Variants in FABP4 observed in about 807,000 individuals in gnomAD.
The protein encoded by FABP4 is fatty acid-binding protein, adipocyte.
A neutral mutation model predicts 14.6 loss-of-function variants in FABP4; 17 were observed. The ratio of observed to expected loss-of-function variants is 1.16; its 90% CI spans 0.80 to 1.74. The LOEUF (loss-of-function observed/expected upper bound fraction) is 1.74, where lower values mean the gene tolerates loss of function less well. Ranked by LOEUF, FABP4 falls within the 40% of genes most tolerant of loss-of-function variation. The probability of loss-of-function intolerance (pLI) is 0.00; values close to 1 mark genes in which losing one functional copy is unlikely to be tolerated. For missense variants in FABP4, 149 were observed against 160.3 expected (o/e 0.93, Z 0.38); for synonymous variants, 54 against 54.6 (o/e 0.99, Z 0.05).
chr8:81,478,864 C>T lies in FABP4; in HGVS notation c.*1G>A, dbSNP rs760132358. ...TTCAGTCCAGGTCAACGTCCCTTGG[C>T]TTATGCTCTCTCATAAACTCTCGTG... On this transcript the variant is annotated 3_prime_UTR_variant, in exon 4 of 4. Coordinates refer to ENST00000256104, the MANE Select transcript of FABP4 (RefSeq NM_001442.3). The T allele has an allele frequency of 3.1e-6, 5 of 1,612,948 alleles. No individual in the cohort carries two copies. Among genetic ancestry groups the T allele is most frequent in the Non-Finnish European group, 4.2e-6 (5 of 1,179,212 alleles).
intron 1 of FABP4, among the ~76,000 whole-genome samples, chr8:81,481,691 C>T (rs1161408850): frequency 6.6e-6 from 1 of 152,118 alleles, no homozygotes; most frequent in Non-Finnish European, 1.5e-5. Flanking sequence ...GAAAAATGGC[C>T]ACAGGTGTGT....
At position 81,479,485 on chromosome 8, in the gene FABP4, C is replaced by G. The variant is rs148632765; in HGVS notation, c.277G>C (p.Val93Leu). Reference protein sequence around the residue: ...STITLDGGVLVHVQKWDGKST... With the variant: ...STITLDGGVLLHVQKWDGKST... ...TTTCCATCCCATTTCTGCACATGTA[C>G]CAGGACACCCCCATCTAAGGTTATG... Residue 93 changes from valine to leucine, a missense_variant, in exon 3 of 4, where the codon GTA (valine) becomes CTA (leucine). Val to Leu is a conservative substitution (Grantham distance 32). Coordinates refer to ENST00000256104, the MANE Select transcript of FABP4 (RefSeq NM_001442.3). 1.5e-3 allele frequency: 2,432 copies of G among 1,613,238 alleles called. 2 individuals carry two copies. Among genetic ancestry groups the G allele is most frequent in the Non-Finnish European group, 1.9e-3 (2,244 of 1,179,424 alleles).
intron 1 of FABP4, 98 bp downstream of exon 1, chr8:81,482,997 G>T: frequency 1.2e-6 from 1 of 867,214 alleles, no homozygotes; most frequent in Non-Finnish European, 1.7e-6. Flanking sequence ...TTTCATTTCT[G>T]GCCAGGGCTT....
Position 81,478,728 on chromosome 8 carries a change from T to C in FABP4, c.*137A>G. On this transcript the variant is annotated 3_prime_UTR_variant, in exon 4 of 4. Coordinates refer to ENST00000256104, the MANE Select transcript of FABP4 (RefSeq NM_001442.3). ...AAAGTTTATTTAACCAACGTAACCA[T>C]ATTGAATAAAATCAGCTTGGGAGAA... 1 of 723,950 alleles carries C rather than the reference T, an allele frequency of 1.4e-6. No individual in the cohort carries two copies. The highest frequency in any genetic ancestry group is 2.3e-6 in the Non-Finnish European group (1 of 439,052). The allele number at this position is 723,950 out of a possible 1,614,324, so 44.8% of individuals were successfully genotyped here. A position where few individuals can be genotyped will look rare whatever the true frequency, so the allele number is the denominator to read the frequency against.
intron 2 of FABP4, 75 bp from the exon 3 acceptor site, chr8:81,479,590 C>A: frequency 1.0e-6 from 1 of 996,244 alleles, no homozygotes. Flanking sequence ...TGCCTTTGTT[C>A]AAAGGAATAT....
intron 1 of FABP4, among the ~76,000 whole-genome samples, chr8:81,481,153 C>T (rs1463913399): frequency 6.6e-6 from 1 of 152,048 alleles, no homozygotes; most frequent in Non-Finnish European, 1.5e-5. Context: ...CATTTGTTGC[C>T]AAGTCTACTT....
At chr8:81,479,547 G>T in intron 2 of FABP4, 32 bp from the exon 3 acceptor site, 1 of 1,514,458 alleles carries the variant, frequency 6.6e-7, no homozygotes, top group Non-Finnish European at 9.1e-7. Context: ...ATGACAATGT[G>T]CAGAGGGAGG....
rs749115487 is a variant in FABP4 at position 81,479,492 on chromosome 8, AC to A, written c.269del (p.Gly90ValfsTer16). Reference sequence around the variant, plus strand: ...CCCATTTCTGCACATGTACCAGGACACCCCCATCTAAGGTTATGGTGCTCTG... The same window carrying A: ...CCCATTTCTGCACATGTACCAGGACACCCCATCTAAGGTTATGGTGCTCTG... ...KVKSTITLDG[G>X]VLVHVQKWDG... On this transcript the variant is annotated frameshift_variant, in exon 3 of 4. Coordinates refer to ENST00000256104, the MANE Select transcript of FABP4 (RefSeq NM_001442.3). LOFTEE classifies it high-confidence loss of function. 2.5e-6 allele frequency: 4 copies of A among 1,613,202 alleles called. No homozygotes were observed. The South Asian group carries it at 4.4e-5, about 18-fold the overall frequency.
intron 3 of FABP4, 102 bp downstream of exon 3, chr8:81,479,312 G>T: frequency 2.1e-6 from 2 of 941,284 alleles, no homozygotes; most frequent in Admixed American, 2.3e-5. Context: ...TCCTCTTTTT[G>T]TTTCAGATAA....
chr8:81,480,720 T>C (rs915205902), intron 1 of FABP4, 122 bp from the exon 2 acceptor site: 5 of 745,864 alleles, frequency 6.7e-6, no homozygotes, highest in Non-Finnish European at 9.8e-6. Context: ...GAGAGTTTCT[T>C]AAAGGCCTAA....
At chr8:81,482,362 T>G (rs1359171284) in intron 1 of FABP4, among the ~76,000 whole-genome samples, 1 of 152,148 alleles carries the variant, frequency 6.6e-6, no homozygotes, top group East Asian at 1.9e-4. Context: ...CTTTTCTGAT[T>G]TACCTCCATA....
chr8:81,479,449 T>G lies in FABP4; in HGVS notation c.313A>C (p.Ile105Leu). 1 of 1,613,470 alleles carries G rather than the reference T, an allele frequency of 6.2e-7. No individual in the cohort carries two copies. Among genetic ancestry groups the G allele is most frequent in the Non-Finnish European group, 8.5e-7 (1 of 1,179,526 alleles). Reference sequence around the variant, plus strand: ...TTATCATCCTCTCGTTTTCTCTTTATGGTGGTTGATTTTCCATCCCATTTC... The same window carrying G: ...TTATCATCCTCTCGTTTTCTCTTTAGGGTGGTTGATTTTCCATCCCATTTC... ...VQKWDGKSTT[I>L]KRKREDDKLV... Residue 105 changes from isoleucine to leucine, a missense_variant, in exon 3 of 4, where the codon ATA becomes CTA. By Grantham distance (5) the Ile-to-Leu change is conservative. Coordinates refer to ENST00000256104, the MANE Select transcript of FABP4 (RefSeq NM_001442.3).
Position 81,478,748 on chromosome 8 carries a change from G to T in FABP4, c.*117C>A. On this transcript the variant is annotated 3_prime_UTR_variant, in exon 4 of 4. Transcript: ENST00000256104. ...AACCATATTGAATAAAATCAGCTTG[G>T]GAGAAAATTAGTTGCTTGCTAAATC... The T allele has an allele frequency of 1.1e-6, 1 of 912,216 alleles. No homozygotes were observed. Among genetic ancestry groups the T allele is most frequent in the Non-Finnish European group, 1.7e-6 (1 of 602,684 alleles). 56.5% of individuals were successfully genotyped at this position (912,216 alleles called of 1,614,324 possible). A position where few individuals can be genotyped will look rare whatever the true frequency, so the allele number is the denominator to read the frequency against.
rs1364973079 is a variant in FABP4, at chr8:81,478,843, GTC to G, written c.*20_*21del. 2.5e-6 allele frequency: 4 copies of G among 1,608,594 alleles called. No individual in the cohort carries two copies. The highest frequency in any genetic ancestry group is 3.4e-6 in the Non-Finnish European group (4 of 1,175,966). ...GTTGTAGAGTTCAATGCGAACTTCA[GTC>G]CAGGTCAACGTCCCTTGGCTTATGC... On this transcript the variant is annotated 3_prime_UTR_variant, in exon 4 of 4. Transcript: ENST00000256104.
At chr8:81,479,126 T>G (rs1808021337) in intron 3 of FABP4, among the ~76,000 whole-genome samples, 2 of 152,114 alleles carry the variant, frequency 1.3e-5, no homozygotes. Flanking sequence ...AAAATCTGTA[T>G]GGTGACTGAG....
At chr8:81,479,538 T>C in intron 2 of FABP4, 23 bp from the exon 3 acceptor site, 1 of 1,586,946 alleles carries the variant, frequency 6.3e-7, no homozygotes, top group South Asian at 1.1e-5. Flanking sequence ...GAAAATGTAA[T>C]GACAATGTGC....
chr8:81,482,964 G>T, intron 1 of FABP4, 131 bp downstream of exon 1: 1 of 596,890 alleles, frequency 1.7e-6, no homozygotes, highest in Non-Finnish European at 2.8e-6. Context: ...TATGTGTGCA[G>T]CCTCTCTATA....
chr8:81,478,996 A>C lies in FABP4; in HGVS notation c.349-81T>G, dbSNP rs796505728. The C allele has an allele frequency of 1.5e-5, 18 of 1,182,438 alleles. No individual in the cohort carries two copies. In the South Asian group the frequency reaches 1.9e-4, roughly 12 times the overall value. 73.2% of individuals were successfully genotyped at this position (1,182,438 alleles called of 1,614,324 possible). The stretch of plus-strand genomic sequence containing the variant: ...ATTGTCTCTCTGAATGTTGGGAATA[A>C]AACAATATTCATTCCAAAGATATTC... On this transcript the variant is annotated intron_variant, in intron 3 of 3. Transcript: ENST00000256104.
At chr8:81,479,768 T>C (rs1808042150) in intron 2 of FABP4, 1 of 307,850 alleles carries the variant, frequency 3.2e-6, no homozygotes, top group South Asian at 8.3e-5. Flanking sequence ...GAAATTTACA[T>C]TGCGATGGTA....
Sources: gnomAD v4.1 joint callset for allele counts (sites outside exome capture counted in the v4.1 genomes callset) on GRCh38, gnomAD v4.1.1 for gene constraint, MANE v1.5 for transcripts, NCBI Gene and HGNC (gene_info 2026-07-23, HGNC 2026-07-21) for gene names.